The following PCNX4 variants were observed in gnomAD, a reference collection of about 807,000 sequenced individuals.
PCNX4 encodes pecanex 4, also known as pecanex-like protein 4.
In PCNX4, 103 loss-of-function variants were observed where a neutral mutation model predicts 107.2. That is an observed-to-expected ratio of 0.96 (90% CI 0.82 to 1.13). The LOEUF (loss-of-function observed/expected upper bound fraction) is 1.13. Ranked by LOEUF, PCNX4 falls within the 50% of genes most tolerant of loss-of-function variation. PCNX4 has a pLI of 0.00. For missense variants in PCNX4, 1,528 were observed against 1,379.4 expected (o/e 1.11, Z -1.71); for synonymous variants, 541 against 481.7 (o/e 1.12, Z -1.61).
intron 2 of PCNX4, chr14:60,108,699 C>G (rs1453934496): frequency 6.5e-6 from 1 of 152,816 alleles, no homozygotes; most frequent in Non-Finnish European, 1.6e-5. Context: ...ATATTATATA[C>G]AGATTGAATG....
Position 60,125,073 on chromosome 14 carries a change from A to G in PCNX4, c.2902A>G (p.Lys968Glu). 1 of 1,613,554 alleles carries G rather than the reference A, an allele frequency of 6.2e-7. No homozygotes were observed. Among genetic ancestry groups the G allele is most frequent in the Non-Finnish European group, 8.5e-7 (1 of 1,179,702 alleles). Reference sequence around the variant, plus strand: ...AGAAATTGCCAAGGACAAAGTTTTAAAAGACTTTTATGTTCATACAGTAAT... The same window carrying G: ...AGAAATTGCCAAGGACAAAGTTTTAGAAGACTTTTATGTTCATACAGTAAT... ...LEEIAKDKVL[K>E]DFYVHTVMTC... Residue 968 changes from lysine to glutamate, a missense_variant, in exon 9 of 11, where the codon AAA becomes GAA. Transcript: ENST00000406854.
chr14:60,104,122 C>T (rs573580911), intron 1 of PCNX4, among the ~76,000 whole-genome samples: 1 of 151,914 alleles, frequency 6.6e-6, no homozygotes, highest in South Asian at 2.1e-4. Context: ...AGTTCAAGAC[C>T]AGCCTGACCA....
In PCNX4 at chr14:60,124,470, A is replaced by T. The variant is rs1404388553; in HGVS notation, c.2299A>T (p.Ile767Leu). 6.2e-7 allele frequency: 1 copy of T among 1,613,668 alleles called. No individual in the cohort carries two copies. Among genetic ancestry groups the T allele is most frequent in the East Asian group, 2.2e-5 (1 of 44,886 alleles). Reference protein sequence around the residue: ...KGDLIKVLVWILVQYCSKRPG... With the variant: ...KGDLIKVLVWLLVQYCSKRPG... ...TGACCTCATTAAAGTACTTGTGTGG[A>T]TACTTGTTCAATACTGCTCCAAAAG... is the stretch of plus-strand genomic sequence containing the variant. Residue 767 changes from isoleucine to leucine, a missense_variant, in exon 9 of 11, where the codon ATA becomes TTA. Physicochemically the swap from Ile to Leu is conservative, Grantham distance 5. Coordinates refer to ENST00000406854, the MANE Select transcript of PCNX4 (RefSeq NM_001330177.2).
Position 60,124,942 on chromosome 14 carries a change from C to T in PCNX4, c.2771C>T (p.Ser924Phe). The change falls in exon 9 of 11, where the codon TCC becomes TTC. Residue 924 changes from serine to phenylalanine, a missense_variant. Coordinates refer to ENST00000406854, the MANE Select transcript of PCNX4 (RefSeq NM_001330177.2). The stretch of plus-strand genomic sequence containing the variant: ...TGGAGGACTAGCTGTATGCCCAGTT[C>T]CAAAATGAAGGAGATGAGCTCGTTA... ...AEWRTSCMPSSKMKEMSSLFP... is the reference protein window; with the variant it reads ...AEWRTSCMPSFKMKEMSSLFP... 1 of 1,613,770 alleles carries T rather than the reference C, an allele frequency of 6.2e-7. No homozygotes were observed. The highest frequency in any genetic ancestry group is 2.2e-5 in the East Asian group (1 of 44,884).
chr14:60,131,241 GAAAGA>G (rs1342655193), intron 10 of PCNX4, among the ~76,000 whole-genome samples: 4 of 152,236 alleles, frequency 2.6e-5, no homozygotes, highest in African/African-American at 9.6e-5. Context: ...GCAAGAAAAA[GAAAGA>G]AAAGGCATTC....
intron 2 of PCNX4, among the ~76,000 whole-genome samples, chr14:60,112,950 G>A (rs1310203253): frequency 6.6e-6 from 1 of 152,222 alleles, no homozygotes. Flanking sequence ...TTGGGAGGCC[G>A]AGGCAGGCGG....
In PCNX4 at chr14:60,142,256, C is replaced by T. The variant is rs959449520; in HGVS notation, c.*8035C>T. The stretch of plus-strand genomic sequence containing the variant: ...GCAGTTTATCATACATCAATTATAC[C>T]TCAGTAAAGGTGTCAGAAATAACAG... On this transcript the variant is annotated 3_prime_UTR_variant, in exon 11 of 11. Transcript: ENST00000406854. The surrounding 1 kb of genome is among the most constrained non-coding windows in gnomAD (Gnocchi z 4.7). The T allele has an allele frequency of 2.6e-5, 4 of 152,138 alleles. No individual in the cohort carries two copies. Among genetic ancestry groups the T allele is most frequent in the African/African-American group, 9.7e-5 (4 of 41,414 alleles). The allele number at this position is 152,138 out of a possible 1,614,324, so 9.4% of individuals were successfully genotyped here. A position where few individuals can be genotyped will look rare whatever the true frequency, so the allele number is the denominator to read the frequency against.
chr14:60,116,175 T>C (rs568573507), intron 6 of PCNX4, 115 bp downstream of exon 6: 2 of 1,028,548 alleles, frequency 1.9e-6, no homozygotes, highest in Non-Finnish European at 2.7e-6. Flanking sequence ...TTTTAGAACA[T>C]TTTCAACATC....
At chr14:60,114,334 T>G (rs1436120197) in intron 2 of PCNX4, among the ~76,000 whole-genome samples, 1 of 152,190 alleles carries the variant, frequency 6.6e-6, no homozygotes, top group African/African-American at 2.4e-5. Flanking sequence ...GTTTAGACAT[T>G]TAGGGGAGAA....
In PCNX4 at chr14:60,114,732, T is replaced by C; in HGVS notation, c.722T>C (p.Met241Thr). 2.5e-6 allele frequency: 4 copies of C among 1,613,764 alleles called. No individual in the cohort carries two copies. Among genetic ancestry groups the C allele is most frequent in the Non-Finnish European group, 3.4e-6 (4 of 1,179,780 alleles). Residue 241 changes from methionine to threonine, a missense_variant, in exon 3 of 11, where the codon ATG becomes ACG. Met to Thr is a moderately conservative substitution (Grantham distance 81). Coordinates refer to ENST00000406854, the MANE Select transcript of PCNX4 (RefSeq NM_001330177.2). The part of the protein sequence containing the change: ...FVVNMPALEH[M>T]NQILHILFVF... ...GTAAATATGCCAGCTCTAGAACACA[T>C]GAATCAGATTTTACACATCTTGTTT...
At chr14:60,113,785 A>G (rs78357060) in intron 2 of PCNX4, among the ~76,000 whole-genome samples, 5,104 of 152,292 alleles carry the variant, frequency 0.034, 236 homozygotes, top group African/African-American at 0.11. Flanking sequence ...GGTACCCCAG[A>G]AGTACTCTGA....
chr14:60,098,128 C>T (rs745436576), intron 1 of PCNX4, among the ~76,000 whole-genome samples: 17 of 152,128 alleles, frequency 1.1e-4, no homozygotes, highest in East Asian at 1.9e-4. Context: ...CAGAAACATT[C>T]GAAACCCCTC....
chr14:60,133,555 T>C, intron 10 of PCNX4: 1 of 411,362 alleles, frequency 2.4e-6, no homozygotes, highest in Non-Finnish European at 4.7e-6. Flanking sequence ...AGCCACTGAA[T>C]TGCATATAGT....
rs754397858 is a variant in PCNX4, at chr14:60,108,238, G to A, written c.600G>A (p.Ala200=). 60 of 1,612,526 alleles carry A rather than the reference G, an allele frequency of 3.7e-5. No homozygotes were observed. The highest frequency in any genetic ancestry group is 5.3e-5 in the African/African-American group (4 of 74,914). The stretch of plus-strand genomic sequence containing the variant: ...TTGTAAACACAGCTACAGAGACTGC[G>A]ACTTTCCAAACACAGGATACTTATG... ...SLIVNTATET[A]TFQTQDTYEI... The change falls in exon 2 of 11, where the codon GCG becomes GCA. Residue 200 remains alanine (A), a synonymous_variant. Coordinates refer to ENST00000406854, the MANE Select transcript of PCNX4 (RefSeq NM_001330177.2).
chr14:60,098,951 A>G (rs1412599356), intron 1 of PCNX4, among the ~76,000 whole-genome samples: 1 of 152,078 alleles, frequency 6.6e-6, no homozygotes, highest in Non-Finnish European at 1.5e-5. Context: ...AAAGAAAAAA[A>G]AAAAAAGAAA....
rs905578711 is a variant in PCNX4 at position 60,135,264 on chromosome 14, AGTT to A, written c.*1047_*1049del. On this transcript the variant is annotated 3_prime_UTR_variant, in exon 11 of 11. Transcript: ENST00000406854. ...CAAATTATATGAAATGTACCAGTTA[AGTT>A]GTTATTAGTATTCCATTTATTTAGT... The A allele has an allele frequency of 3.9e-5, 6 of 152,188 alleles. No homozygotes were observed. The highest frequency in any genetic ancestry group is 2.0e-4 in the Admixed American group (3 of 15,286). 9.4% of individuals were successfully genotyped at this position (152,188 alleles called of 1,614,324 possible). A position where few individuals can be genotyped will look rare whatever the true frequency, so the allele number is the denominator to read the frequency against.
chr14:60,132,347 T>A (rs1896169995), intron 10 of PCNX4, among the ~76,000 whole-genome samples: 2 of 152,234 alleles, frequency 1.3e-5, no homozygotes, highest in African/African-American at 4.8e-5. Context: ...TCTAAATCTT[T>A]AATTACATCT....
At position 60,137,930 on chromosome 14, in the gene PCNX4, A is replaced by G. The variant is rs1896259790; in HGVS notation, c.*3709A>G. 6.6e-6 allele frequency: 1 copy of G among 150,956 alleles called. No individual in the cohort carries two copies. The highest frequency in any genetic ancestry group is 6.6e-5 in the Admixed American group (1 of 15,214). The allele number at this position is 150,956 out of a possible 1,614,324, so 9.4% of individuals were successfully genotyped here. On this transcript the variant is annotated 3_prime_UTR_variant, in exon 11 of 11. Transcript: ENST00000406854. The stretch of plus-strand genomic sequence containing the variant: ...CAATGAAACCCCATCTGTAGTAAAA[A>G]TAAAAAAAAAAATAACCGGGTGTGG...
At chr14:60,108,368 A>G (rs1895672347) in intron 2 of PCNX4, 41 bp downstream of exon 2, 1 of 1,444,938 alleles carries the variant, frequency 6.9e-7, no homozygotes, top group Admixed American at 2.0e-5. Flanking sequence ...CTTTGTTTTT[A>G]AGTATACAGA....
Sources: allele counts gnomAD v4.1 joint callset (sites outside exome capture counted in the v4.1 genomes callset), GRCh38; gene constraint gnomAD v4.1.1; non-coding constraint Gnocchi (gnomAD v3.1); transcripts MANE v1.5; gene names NCBI Gene and HGNC (gene_info 2026-07-23, HGNC 2026-07-21).